NEXMIF: variants seen among roughly 807,000 people sequenced by gnomAD.
NEXMIF encodes neurite extension and migration factor.
NEXMIF carries 8 observed loss-of-function variants against 62.1 expected under a neutral mutation model. The observed-to-expected ratio is 0.13, with a 90% confidence interval of 0.08 to 0.23. The LOEUF is 0.23. NEXMIF is among the 10% of genes least tolerant of loss of function. The probability of loss-of-function intolerance (pLI) is 1.00; values close to 1 mark genes in which losing one functional copy is unlikely to be tolerated. For missense variants in NEXMIF, 976 were observed against 1,113.3 expected, an observed-to-expected ratio of 0.88 and a Z score of 1.75; for synonymous variants, 404 against 416.6, an observed-to-expected ratio of 0.97 and a Z score of 0.37.
intron 1 of NEXMIF, among the ~76,000 whole-genome samples, chrX:74,859,101 C>A (rs1486839688): frequency 9.0e-6 from 1 of 110,912 alleles, no homozygotes; most frequent in Admixed American, 9.6e-5. Flanking sequence ...AAAGTTTATT[C>A]AGAGATAATA....
chrX:74,909,834 C>T (rs1367344778), intron 1 of NEXMIF, among the ~76,000 whole-genome samples: 1 of 112,077 alleles, frequency 8.9e-6, no homozygotes, highest in Non-Finnish European at 1.9e-5. Flanking sequence ...TAAAAGGGGC[C>T]AACGTACAGC....
rs1282386648 is a variant in NEXMIF, at chrX:74,735,474, A to G, written c.*3931T>C. 2.7e-5 allele frequency: 3 copies of G among 111,792 alleles called. No homozygotes were observed. Among genetic ancestry groups the G allele is most frequent in the African/African-American group, 9.8e-5 (3 of 30,739 alleles). 9.2% of individuals were successfully genotyped at this position (111,792 alleles called of 1,213,427 possible). A position where few individuals can be genotyped will look rare whatever the true frequency, so the allele number is the denominator to read the frequency against. On this transcript the variant is annotated 3_prime_UTR_variant, in exon 4 of 4. Transcript: ENST00000055682. ...CCTACTAAAACAGAAATTCACTAGA[A>G]CTGCAAAACCTCACATAGGACTTAG... is the stretch of plus-strand genomic sequence containing the variant.
intron 1 of NEXMIF, among the ~76,000 whole-genome samples, chrX:74,883,516 C>T (rs1172602899): frequency 6.3e-5 from 7 of 111,536 alleles, no homozygotes; most frequent in Non-Finnish European, 1.3e-4. Flanking sequence ...CCTCAGTGAC[C>T]AATGCAATCA....
At position 74,737,202 on chromosome X, in the gene NEXMIF, A is replaced by C. The variant is rs2080087440; in HGVS notation, c.*2203T>G. On this transcript the variant is annotated 3_prime_UTR_variant, in exon 4 of 4. Transcript: ENST00000055682. The stretch of plus-strand genomic sequence containing the variant: ...TCTGGAGTCTTGGGGATCACAATAC[A>C]GGCAGAGTTGGTGATTCCAAGCCAA... 8.9e-6 allele frequency: 1 copy of C among 111,913 alleles called. No homozygotes were observed. Among genetic ancestry groups the C allele is most frequent in the African/African-American group, 3.3e-5 (1 of 30,724 alleles). The allele number at this position is 111,913 out of a possible 1,213,427, so 9.2% of individuals were successfully genotyped here.
intron 1 of NEXMIF, among the ~76,000 whole-genome samples, chrX:74,877,089 A>G (rs765821779): frequency 1.4e-4 from 16 of 111,499 alleles, no homozygotes; most frequent in African/African-American, 5.2e-4. Context: ...CCTAGTCTTG[A>G]TGGTCTTTAC....
intron 1 of NEXMIF, among the ~76,000 whole-genome samples, chrX:74,897,095 G>A (rs773924847): frequency 1.8e-5 from 2 of 111,702 alleles, no homozygotes; most frequent in Non-Finnish European, 3.8e-5. Context: ...GCTAAGTTCG[G>A]CTCAAAAGAA....
Position 74,858,885 on chromosome X carries a change from TCA to T in NEXMIF, c.-48+65996_-48+65997del, listed in dbSNP as rs758513644. 9.3e-3 allele frequency among the ~76,000 whole-genome samples: 1,022 copies of T among 109,732 alleles called. 8 individuals are homozygous for T. The highest frequency in any genetic ancestry group is 0.014 in the Non-Finnish European group (759 of 52,736). ...TGCAATGGACACACTGAAGAATGCA[TCA>T]GTCTTTTAATAGCAGAATTGATCAA... is the stretch of plus-strand genomic sequence containing the variant. On this transcript the variant is annotated intron_variant, in intron 1 of 3. Coordinates refer to ENST00000055682, the MANE Select transcript of NEXMIF (RefSeq NM_001008537.3).
At chrX:74,840,998 T>C (rs1254566458) in intron 1 of NEXMIF, among the ~76,000 whole-genome samples, 3 of 112,119 alleles carry the variant, frequency 2.7e-5, no homozygotes, top group Non-Finnish European at 5.6e-5. Flanking sequence ...TTTAAAATAG[T>C]TTTTTCTAAT....
chrX:74,897,029 TTTC>T (rs1411851427), intron 1 of NEXMIF, among the ~76,000 whole-genome samples: 1 of 112,300 alleles, frequency 8.9e-6, no homozygotes. Context: ...TCTAGAAACA[TTTC>T]TTAAGTGTTT....
chrX:74,885,617 T>C (rs1352358084), intron 1 of NEXMIF, among the ~76,000 whole-genome samples: 1 of 111,750 alleles, frequency 8.9e-6, no homozygotes, highest in Non-Finnish European at 1.9e-5. Context: ...AATCTCTGAA[T>C]AGACCAATAA....
intron 1 of NEXMIF, among the ~76,000 whole-genome samples, chrX:74,763,868 C>T (rs1168457923): frequency 1.8e-5 from 2 of 111,906 alleles, no homozygotes; most frequent in Admixed American, 9.5e-5. Flanking sequence ...AGATTTTGGG[C>T]TGAGACAATG....
intron 1 of NEXMIF, among the ~76,000 whole-genome samples, chrX:74,813,488 GT>G (rs1450360256): frequency 8.9e-6 from 1 of 112,225 alleles, no homozygotes; most frequent in East Asian, 2.8e-4. Flanking sequence ...TTAAAAATGT[GT>G]TTTGTAAACT....
intron 1 of NEXMIF, among the ~76,000 whole-genome samples, chrX:74,754,009 T>G (rs1038697959): frequency 8.9e-5 from 10 of 112,377 alleles, no homozygotes; most frequent in African/African-American, 2.6e-4. Context: ...TCGCCCAGGC[T>G]GGAGTGCAGT....
In NEXMIF at chrX:74,738,803, A is replaced by AAC. The variant is rs2080092359; in HGVS notation, c.*601_*602insGT. On this transcript the variant is annotated 3_prime_UTR_variant, in exon 4 of 4. Transcript: ENST00000055682. ...TTCATGTTTCCACACAGGACAGTAG[A>AAC]GTCTAAAACTTTAAAAGAACGTGTG... is the stretch of plus-strand genomic sequence containing the variant. 2 of 108,989 alleles carry AAC rather than the reference A, an allele frequency of 1.8e-5. No individual in the cohort carries two copies. The highest frequency in any genetic ancestry group is 3.8e-5 in the Non-Finnish European group (2 of 52,257). 9.0% of individuals were successfully genotyped at this position (108,989 alleles called of 1,213,427 possible). A position where few individuals can be genotyped will look rare whatever the true frequency, so the allele number is the denominator to read the frequency against.
At chrX:74,779,969 T>G (rs988755454) in intron 1 of NEXMIF, among the ~76,000 whole-genome samples, 2 of 111,470 alleles carry the variant, frequency 1.8e-5, no homozygotes, top group Non-Finnish European at 3.8e-5. Context: ...TAGTTTATAC[T>G]TGGAAATGGC....
rs1041503207 is a variant in NEXMIF at position 74,737,091 on chromosome X, A to C, written c.*2314T>G. On this transcript the variant is annotated 3_prime_UTR_variant, in exon 4 of 4. Coordinates refer to ENST00000055682, the MANE Select transcript of NEXMIF (RefSeq NM_001008537.3). Reference sequence around the variant, plus strand: ...TATAAAAACACATTGTATTAATGGAACATTTTCTTTATTTTTTCATTAATT... The same window carrying C: ...TATAAAAACACATTGTATTAATGGACCATTTTCTTTATTTTTTCATTAATT... The C allele has an allele frequency of 2.7e-5, 3 of 112,189 alleles. No individual in the cohort carries two copies. The highest frequency in any genetic ancestry group is 6.5e-5 in the African/African-American group (2 of 30,767). The allele number at this position is 112,189 out of a possible 1,213,427, so 9.2% of individuals were successfully genotyped here. A position where few individuals can be genotyped will look rare whatever the true frequency, so the allele number is the denominator to read the frequency against.
chrX:74,913,862 A>G (rs1478602828), intron 1 of NEXMIF, among the ~76,000 whole-genome samples: 1 of 112,274 alleles, frequency 8.9e-6, no homozygotes, highest in African/African-American at 3.2e-5. Flanking sequence ...GAAGAAGGAA[A>G]ACTAAGATAA....
intron 1 of NEXMIF, among the ~76,000 whole-genome samples, chrX:74,836,629 C>G (rs1218339424): frequency 9.0e-6 from 1 of 111,595 alleles, no homozygotes; most frequent in Non-Finnish European, 1.9e-5. Flanking sequence ...GCCTGGTACC[C>G]TACCCTATTG....
intron 1 of NEXMIF, among the ~76,000 whole-genome samples, chrX:74,893,948 G>C (rs1304712007): frequency 9.0e-6 from 1 of 111,267 alleles, no homozygotes; most frequent in Non-Finnish European, 1.9e-5. Context: ...CAAAACAGTT[G>C]ACTTTTTGAA....
Sources: gnomAD v4.1 joint callset for allele counts (sites outside exome capture counted in the v4.1 genomes callset) on GRCh38, gnomAD v4.1.1 for gene constraint, MANE v1.5 for transcripts, NCBI Gene and HGNC (gene_info 2026-07-23, HGNC 2026-07-21) for gene names.